PLXNC1: variants seen among roughly 807,000 people sequenced by gnomAD.
PLXNC1 encodes plexin C1.
Under a neutral mutation model 178.2 loss-of-function variants are expected in PLXNC1, and 75 were observed. That is an observed-to-expected ratio of 0.42 (90% CI 0.35 to 0.51). The LOEUF (loss-of-function observed/expected upper bound fraction) is 0.51. Ranked by LOEUF, PLXNC1 falls within the 20% of genes least tolerant of loss-of-function variation. The pLI is 0.02. For missense variants in PLXNC1, 1,503 were observed against 1,984.4 expected, an observed-to-expected ratio of 0.76 and a Z score of 4.61; for synonymous variants, 790 against 779.9, an observed-to-expected ratio of 1.01 and a Z score of -0.22.
intron 4 of PLXNC1, among the ~76,000 whole-genome samples, chr12:94,198,724 G>T (rs1963013684): frequency 6.6e-6 from 1 of 152,154 alleles, no homozygotes; most frequent in East Asian, 1.9e-4. Context: ...GACTCCTGGT[G>T]TTTCTTGGCT....
chr12:94,200,151 G>A (rs1963068331), intron 4 of PLXNC1, among the ~76,000 whole-genome samples: 1 of 152,158 alleles, frequency 6.6e-6, no homozygotes, highest in Non-Finnish European at 1.5e-5. Flanking sequence ...CAGCCTCCGT[G>A]CTACTTACCT....
chr12:94,181,905 G>T (rs1962321977), intron 3 of PLXNC1, among the ~76,000 whole-genome samples: 1 of 152,064 alleles, frequency 6.6e-6, no homozygotes, highest in Non-Finnish European at 1.5e-5. Flanking sequence ...GCACTGAACG[G>T]TTAGATGCAT....
intron 9 of PLXNC1, among the ~76,000 whole-genome samples, chr12:94,236,738 C>G (rs749071840): frequency 1.3e-5 from 2 of 152,140 alleles, no homozygotes; most frequent in African/African-American, 4.8e-5. Flanking sequence ...ATCTTATGTC[C>G]TGTTTTGGTC....
intron 4 of PLXNC1, among the ~76,000 whole-genome samples, chr12:94,208,948 C>T (rs548367232): frequency 2.0e-5 from 3 of 152,288 alleles, no homozygotes; most frequent in Admixed American, 6.5e-5. Context: ...AGCTGGCTGA[C>T]TTGGGAAAAT....
chr12:94,159,731 A>G (rs567701638), intron 1 of PLXNC1, among the ~76,000 whole-genome samples: 19 of 152,346 alleles, frequency 1.2e-4, no homozygotes, highest in African/African-American at 4.1e-4. Context: ...GAATTCCTAA[A>G]TAACGGCTGC....
chr12:94,298,598 TAATCTCCCA>T (rs1282711877), intron 26 of PLXNC1, 25 bp from the exon 27 acceptor site: 7 of 1,542,774 alleles, frequency 4.5e-6, no homozygotes, highest in African/African-American at 1.4e-5. Context: ...CCACAGTTTT[TAATCTCCCA>T]AATCTGATGT....
At chr12:94,281,781 A>G (rs1181156135) in intron 22 of PLXNC1, 1 of 154,054 alleles carries the variant, frequency 6.5e-6, no homozygotes, top group Non-Finnish European at 1.4e-5. Context: ...TAATAATTAA[A>G]CACCATGCAG....
At chr12:94,250,608 GT>G (rs1300254972) in intron 14 of PLXNC1, among the ~76,000 whole-genome samples, 1 of 152,166 alleles carries the variant, frequency 6.6e-6, no homozygotes, top group Non-Finnish European at 1.5e-5. Flanking sequence ...TTCATGTAGA[GT>G]TTTTCCCTTG....
intron 1 of PLXNC1, among the ~76,000 whole-genome samples, chr12:94,162,264 G>A (rs1312193215): frequency 2.6e-5 from 4 of 152,168 alleles, no homozygotes; most frequent in Non-Finnish European, 4.4e-5. Context: ...GTGAAGGGGG[G>A]TGGGGCTAGA....
chr12:94,252,141 A>G (rs1407606747), intron 15 of PLXNC1, among the ~76,000 whole-genome samples: 1 of 152,150 alleles, frequency 6.6e-6, no homozygotes, highest in Non-Finnish European at 1.5e-5. Context: ...ATGTTCATTT[A>G]TGTAATTCCC....
chr12:94,278,241 T>C (rs1188863467), intron 21 of PLXNC1: 4 of 354,426 alleles, frequency 1.1e-5, no homozygotes, highest in Admixed American at 7.7e-5. Context: ...TTTCACACCA[T>C]ACCCAAGCCT....
intron 27 of PLXNC1, among the ~76,000 whole-genome samples, chr12:94,299,109 A>AT (rs1270917001): frequency 1.3e-5 from 2 of 152,156 alleles, no homozygotes; most frequent in African/African-American, 2.4e-5. Flanking sequence ...GTTTTATATC[A>AT]TTTTTGCATT....
chr12:94,190,608 A>C (rs1962685922), intron 4 of PLXNC1, among the ~76,000 whole-genome samples: 1 of 152,160 alleles, frequency 6.6e-6, no homozygotes, highest in South Asian at 2.1e-4. Context: ...TGATTCATTT[A>C]AAATCCAAAT....
At chr12:94,253,401 CTG>C (rs1278644358) in intron 15 of PLXNC1, among the ~76,000 whole-genome samples, 1 of 152,054 alleles carries the variant, frequency 6.6e-6, no homozygotes, top group Admixed American at 6.6e-5. Context: ...TTGCTGATAA[CTG>C]TGCAAGTCTC....
At chr12:94,237,881 A>T in intron 10 of PLXNC1, 78 bp downstream of exon 10, 2 of 1,455,714 alleles carry the variant, frequency 1.4e-6, no homozygotes, top group Admixed American at 3.6e-5. Context: ...GTGTGATTAT[A>T]ACCTTAATAT....
chr12:94,239,096 C>T (rs781212033), intron 10 of PLXNC1, among the ~76,000 whole-genome samples: 3 of 152,120 alleles, frequency 2.0e-5, no homozygotes, highest in Non-Finnish European at 4.4e-5. Flanking sequence ...ATTTTAATTC[C>T]GAATGTGTCT....
rs1452976843 is a variant in PLXNC1 at position 94,212,269 on chromosome 12, G to C, written c.1554+2565G>C. Among the ~76,000 whole-genome samples the C allele has an allele frequency of 6.5e-5, 4 of 61,232 alleles. No homozygotes were observed. In the Admixed American group the frequency reaches 9.8e-4, roughly 15 times the overall value. The allele number at this position is 61,232 out of a possible 152,430, so 40.2% of individuals were successfully genotyped here. On this transcript the variant is annotated intron_variant, in intron 5 of 30. Transcript: ENST00000258526. Reference sequence around the variant, plus strand: ...AGCCTGGGCGACAGAGCGAGACTCCGTCTCAAAAAAAAAAAAAAAAAAAAA... The same window carrying C: ...AGCCTGGGCGACAGAGCGAGACTCCCTCTCAAAAAAAAAAAAAAAAAAAAA...
chr12:94,240,723 T>C lies in PLXNC1; in HGVS notation c.2300+59T>C, dbSNP rs550593408. 6.7e-5 allele frequency: 85 copies of C among 1,265,654 alleles called. No individual in the cohort carries two copies. In the Admixed American group the frequency reaches 1.3e-3, roughly 19 times the overall value. 78.4% of individuals were successfully genotyped at this position (1,265,654 alleles called of 1,614,324 possible). On this transcript the variant is annotated intron_variant, in intron 11 of 30. Transcript: ENST00000258526. ...TGGTTAAAGGTCATATGCCCAAAGA[T>C]CATTGATTTTATTCAAGTAAATTCA...
rs965639099 is a variant in PLXNC1, at chr12:94,260,550, T to C, written c.3252-92T>C. On this transcript the variant is annotated intron_variant, in intron 19 of 30. Coordinates refer to ENST00000258526, the MANE Select transcript of PLXNC1 (RefSeq NM_005761.3). This position sits in a 1 kb window ranked among gnomAD's most constrained non-coding sequence, Gnocchi z 4.4. Reference sequence around the variant, plus strand: ...AAAGCTCCCAACCCAACAGGCCAGCTCCCTGCCCTGCCAGTGAGCTTCCAT... The same window carrying C: ...AAAGCTCCCAACCCAACAGGCCAGCCCCCTGCCCTGCCAGTGAGCTTCCAT... 1 of 691,652 alleles carries C rather than the reference T, an allele frequency of 1.4e-6. No homozygotes were observed. Among genetic ancestry groups the C allele is most frequent in the South Asian group, 1.6e-5 (1 of 61,898 alleles). 42.8% of individuals were successfully genotyped at this position (691,652 alleles called of 1,614,324 possible).
Sources: gnomAD v4.1 joint callset for allele counts (sites outside exome capture counted in the v4.1 genomes callset) on GRCh38, gnomAD v4.1.1 for gene constraint, Gnocchi (gnomAD v3.1) non-coding constraint, MANE v1.5 for transcripts, NCBI Gene and HGNC (gene_info 2026-07-23, HGNC 2026-07-21) for gene names.